Variants in PLCB4 observed in about 807,000 individuals in gnomAD.
PLCB4 encodes phospholipase C beta 4.
A neutral mutation model predicts 178.8 loss-of-function variants in PLCB4; 77 were observed. The observed-to-expected ratio is 0.43, with a 90% CI of 0.36 to 0.52. The LOEUF (loss-of-function observed/expected upper bound fraction) is 0.52. Among genes scored for constraint, PLCB4 ranks in the 20% least tolerant of loss-of-function variants. The pLI is 0.00. For missense variants in PLCB4, 1,024 were observed against 1,453.4 expected (o/e 0.70, Z 4.80); for synonymous variants, 496 against 490.8 (o/e 1.01, Z -0.14).
chr20:9,075,773 A>G (rs1256066499), intron 1 of PLCB4, among the ~76,000 whole-genome samples: 3 of 152,246 alleles, frequency 2.0e-5, no homozygotes, highest in African/African-American at 7.2e-5. Context: ...CAAGAGAAGC[A>G]TGAAATCCAG....
At chr20:9,430,944 G>A (rs117110918) in intron 28 of PLCB4, among the ~76,000 whole-genome samples, 2,500 of 152,288 alleles carry the variant, frequency 0.016, 36 homozygotes, top group Non-Finnish European at 0.026. Flanking sequence ...AATTTAAGTA[G>A]TGAATTTTTT....
intron 3 of PLCB4, among the ~76,000 whole-genome samples, chr20:9,298,140 T>A (rs1243404844): frequency 6.6e-6 from 1 of 152,030 alleles, no homozygotes; most frequent in Non-Finnish European, 1.5e-5. Flanking sequence ...AGGGAAGGAA[T>A]GATAACACAA....
rs924027156 is a variant in PLCB4, at chr20:9,112,256, CT to C, written c.-79+15931del. 2.1e-3 allele frequency among the ~76,000 whole-genome samples: 292 copies of C among 137,104 alleles called. 1 individual carries two copies. The highest frequency in any genetic ancestry group is 3.8e-3 in the Middle Eastern group (1 of 264). 89.9% of individuals were successfully genotyped at this position (137,104 alleles called of 152,430 possible). The stretch of plus-strand genomic sequence containing the variant: ...GACCTGTTGAAACAAATACCCTACT[CT>C]TTTTTTTTTTTTTTTTGAGATAGAG... On this transcript the variant is annotated intron_variant, in intron 2 of 39. Transcript: ENST00000378473.
chr20:9,227,050 C>T (rs772377302), intron 3 of PLCB4, among the ~76,000 whole-genome samples: 2 of 152,010 alleles, frequency 1.3e-5, no homozygotes, highest in South Asian at 4.2e-4. Context: ...GCTTTATATT[C>T]CCTAATGACT....
intron 2 of PLCB4, among the ~76,000 whole-genome samples, chr20:9,119,424 C>T (rs2091887314): frequency 6.6e-6 from 1 of 151,846 alleles, no homozygotes; most frequent in South Asian, 2.1e-4. Context: ...AGAAAGTGTG[C>T]CCCCAATTAT....
rs555852265 is a variant in PLCB4, at chr20:9,460,597, G to A, written c.3248+787G>A. The stretch of plus-strand genomic sequence containing the variant: ...TGGACTTATCCCTGAGCAGAAGAAG[G>A]TTGGTGTTTGTTACATCTTTTTATC... On this transcript the variant is annotated intron_variant, in intron 35 of 39. Coordinates refer to ENST00000378473, the MANE Select transcript of PLCB4 (RefSeq NM_001377142.1). Among the ~76,000 whole-genome samples, 142 of 152,252 alleles carry A rather than the reference G, an allele frequency of 9.3e-4. 1 individual carries two copies. The highest frequency in any genetic ancestry group is 1.7e-3 in the Non-Finnish European group (119 of 68,048).
intron 7 of PLCB4, among the ~76,000 whole-genome samples, chr20:9,357,905 G>T (rs558991777): frequency 6.6e-6 from 1 of 151,706 alleles, no homozygotes; most frequent in Non-Finnish European, 1.5e-5. Flanking sequence ...TCCAAGTTGA[G>T]GGGGGCTGCT....
chr20:9,282,259 A>G (rs559785741), intron 3 of PLCB4, among the ~76,000 whole-genome samples: 1 of 152,108 alleles, frequency 6.6e-6, no homozygotes, highest in East Asian at 1.9e-4. Flanking sequence ...TCTGTCTTCT[A>G]GGTATAGGCT....
chr20:9,384,110 A>C, intron 13 of PLCB4, 91 bp from the exon 14 acceptor site: 1 of 963,784 alleles, frequency 1.0e-6, no homozygotes, highest in Non-Finnish European at 1.7e-6. Flanking sequence ...TTTTACTCTT[A>C]TAATTTAAGC....
intron 2 of PLCB4, among the ~76,000 whole-genome samples, chr20:9,208,067 A>G (rs2093633468): frequency 6.6e-6 from 1 of 152,208 alleles, no homozygotes; most frequent in African/African-American, 2.4e-5. Flanking sequence ...AGTGCAATGC[A>G]TGTGTGCTTG....
intron 17 of PLCB4, among the ~76,000 whole-genome samples, chr20:9,391,622 C>T (rs756204188): frequency 4.6e-5 from 7 of 152,186 alleles, no homozygotes; most frequent in Non-Finnish European, 1.0e-4. Context: ...CTCGAACTTG[C>T]AGAAGCAGTT....
chr20:9,192,659 A>C (rs1048877038), intron 2 of PLCB4, among the ~76,000 whole-genome samples: 9 of 151,414 alleles, frequency 5.9e-5, no homozygotes, highest in African/African-American at 1.9e-4. Flanking sequence ...AAAAACAAAC[A>C]AAAAAATTAG....
At position 9,183,002 on chromosome 20, in the gene PLCB4, C is replaced by T. The variant is rs530282986; in HGVS notation, c.-78-34388C>T. On this transcript the variant is annotated intron_variant, in intron 2 of 39. Coordinates refer to ENST00000378473, the MANE Select transcript of PLCB4 (RefSeq NM_001377142.1). Reference sequence around the variant, plus strand: ...ATTCAACGTGTCTTTCTGCAGGGGTCAGGGAGTCACGCTGCTCTGCCTCAC... The same window carrying T: ...ATTCAACGTGTCTTTCTGCAGGGGTTAGGGAGTCACGCTGCTCTGCCTCAC... 2.0e-3 allele frequency among the ~76,000 whole-genome samples: 309 copies of T among 152,262 alleles called. 2 individuals carry two copies. The highest frequency in any genetic ancestry group is 6.8e-3 in the African/African-American group (284 of 41,550).
At chr20:9,173,874 G>T (rs1171365954) in intron 2 of PLCB4, among the ~76,000 whole-genome samples, 2 of 152,054 alleles carry the variant, frequency 1.3e-5, no homozygotes, top group Non-Finnish European at 2.9e-5. Context: ...TCCACCTTCA[G>T]GGAAGCATCT....
intron 3 of PLCB4, among the ~76,000 whole-genome samples, chr20:9,299,360 T>A (rs1180858862): frequency 6.6e-6 from 1 of 152,060 alleles, no homozygotes; most frequent in Non-Finnish European, 1.5e-5. Context: ...TACAGGGAAG[T>A]ATTAAAGAAA....
intron 3 of PLCB4, among the ~76,000 whole-genome samples, chr20:9,247,311 C>G (rs564499489): frequency 1.3e-5 from 2 of 152,182 alleles, no homozygotes; most frequent in Non-Finnish European, 2.9e-5. Flanking sequence ...AGAAATAGCT[C>G]TAGCCTCTGT....
At chr20:9,081,841 T>C (rs2146519496) in intron 1 of PLCB4, among the ~76,000 whole-genome samples, 1 of 149,846 alleles carries the variant, frequency 6.7e-6, no homozygotes, top group Non-Finnish European at 1.5e-5. Flanking sequence ...AAGTATTTCA[T>C]GATTATTTAC....
chr20:9,408,142 A>G (rs1602452874), intron 22 of PLCB4, 84 bp downstream of exon 22: 1 of 1,235,020 alleles, frequency 8.1e-7, no homozygotes, highest in Admixed American at 2.3e-5. Flanking sequence ...ATTTGTTGCC[A>G]TTTTTCTTTG....
At chr20:9,336,534 G>A (rs544523413) in intron 4 of PLCB4, among the ~76,000 whole-genome samples, 1 of 152,218 alleles carries the variant, frequency 6.6e-6, no homozygotes, top group African/African-American at 2.4e-5. Flanking sequence ...CATCCCCCCA[G>A]ACTCTGACTC....
Sources: allele counts gnomAD v4.1 joint callset (sites outside exome capture counted in the v4.1 genomes callset), GRCh38; gene constraint gnomAD v4.1.1; transcripts MANE v1.5; gene names NCBI Gene and HGNC (gene_info 2026-07-23, HGNC 2026-07-21).